RBM6: variants seen among roughly 807,000 people sequenced by gnomAD.
RBM6 encodes RNA-binding protein 6.
A neutral mutation model predicts 140.4 loss-of-function variants in RBM6; 23 were observed. That is an observed-to-expected ratio of 0.16 (90% CI 0.12 to 0.23). The LOEUF (loss-of-function observed/expected upper bound fraction) is 0.23, where lower values mean the gene tolerates loss of function less well. Among genes scored for constraint, RBM6 ranks in the 10% least tolerant of loss-of-function variants. The pLI, the probability that RBM6 is intolerant of heterozygous loss-of-function variation, is 1.00. For synonymous variants in RBM6, 439 were observed against 475.6 expected (o/e 0.92, Z 1.00); for missense variants, 1,139 against 1,386.7 (o/e 0.82, Z 2.84).
chr3:50,064,935 G>A, intron 15 of RBM6, 96 bp from the exon 16 acceptor site: 3 of 971,118 alleles, frequency 3.1e-6, no homozygotes, highest in Non-Finnish European at 4.8e-6. Context: ...ACCTCCCAGA[G>A]TGCTGGGATT....
chr3:50,066,101 T>A, intron 16 of RBM6, 141 bp from the exon 17 acceptor site: 1 of 921,724 alleles, frequency 1.1e-6, no homozygotes. Context: ...GTTGCTTTCA[T>A]CTGGGAAATG....
At chr3:50,015,137 C>T (rs926155096) in intron 6 of RBM6, among the ~76,000 whole-genome samples, 4 of 149,652 alleles carry the variant, frequency 2.7e-5, no homozygotes, top group South Asian at 2.1e-4. Flanking sequence ...GACAGAGTCA[C>T]GCTCTGTCAC....
intron 1 of RBM6, among the ~76,000 whole-genome samples, chr3:49,941,640 CAAAAAAAAAAAAAA>C (rs1171636981): frequency 1.4e-4 from 8 of 58,724 alleles, no homozygotes; most frequent in East Asian, 1.0e-3. Context: ...AACTCTGTCT[CAAAAAAAAAAAAAA>C]AAAAAAAAAA....
chr3:49,968,257 A>T lies in RBM6; in HGVS notation c.832A>T (p.Met278Leu). Residue 278 changes from methionine to leucine, a missense_variant, in exon 3 of 21, where the codon ATG becomes TTG. This residue lies in a region of RBM6 where 566 missense variants were observed against 612.7 expected (regional missense o/e 0.92). Transcript: ENST00000266022. ...TAGGGGCAGAGAGATGGGATCTTGT[A>T]TGGAATTTAAAGATAGGGAGATGCC... is the stretch of plus-strand genomic sequence containing the variant. ...DFRGREMGSC[M>L]EFKDREMPPV... 1 of 1,614,178 alleles carries T rather than the reference A, an allele frequency of 6.2e-7. No homozygotes were observed.
Position 49,967,257 on chromosome 3 carries a change from G to T in RBM6, c.45-213G>T. 1 of 1,327,118 alleles carries T rather than the reference G, an allele frequency of 7.5e-7. No homozygotes were observed. Among genetic ancestry groups the T allele is most frequent in the Non-Finnish European group, 9.6e-7 (1 of 1,040,530 alleles). The allele number at this position is 1,327,118 out of a possible 1,614,324, so 82.2% of individuals were successfully genotyped here. A position where few individuals can be genotyped will look rare whatever the true frequency, so the allele number is the denominator to read the frequency against. On this transcript the variant is annotated intron_variant, in intron 2 of 20. Coordinates refer to ENST00000266022, the MANE Select transcript of RBM6 (RefSeq NM_005777.3). This position sits in a 1 kb window ranked among gnomAD's most constrained non-coding sequence, Gnocchi z 4.0. Reference sequence around the variant, plus strand: ...TGAAAACCTTGTGTTGACTTTCCTCGTGTTCTGAAATGGGAGCATAAAAGT... The same window carrying T: ...TGAAAACCTTGTGTTGACTTTCCTCTTGTTCTGAAATGGGAGCATAAAAGT...
At chr3:49,990,317 A>G (rs866423931) in intron 5 of RBM6, among the ~76,000 whole-genome samples, 40 of 152,326 alleles carry the variant, frequency 2.6e-4, no homozygotes, top group Admixed American at 9.8e-4. Context: ...ACTGTATTGA[A>G]CACCATAGGC....
intron 6 of RBM6, among the ~76,000 whole-genome samples, chr3:50,032,802 A>G (rs1023404627): frequency 1.1e-4 from 17 of 151,998 alleles, no homozygotes; most frequent in South Asian, 8.3e-4. Context: ...CCTGGCCAAC[A>G]TGGGGAAACC....
intron 20 of RBM6, among the ~76,000 whole-genome samples, chr3:50,076,135 AT>A (rs1446359571): frequency 6.6e-6 from 1 of 151,774 alleles, no homozygotes; most frequent in African/African-American, 2.4e-5. Flanking sequence ...TACCCAGCTA[AT>A]TTTTGTGTTT....
chr3:50,034,014 C>G (rs2088350265), intron 6 of RBM6, among the ~76,000 whole-genome samples: 1 of 151,982 alleles, frequency 6.6e-6, no homozygotes. Flanking sequence ...ATCAAATGCC[C>G]CCTGTCTAGA....
chr3:50,015,372 C>T (rs945575655), intron 6 of RBM6, among the ~76,000 whole-genome samples: 6 of 150,808 alleles, frequency 4.0e-5, no homozygotes, highest in African/African-American at 1.5e-4. Flanking sequence ...TCCCAAAGTG[C>T]TGGGATTACA....
At chr3:50,073,251 G>C (rs2090360777) in intron 19 of RBM6, among the ~76,000 whole-genome samples, 1 of 152,082 alleles carries the variant, frequency 6.6e-6, no homozygotes, top group Non-Finnish European at 1.5e-5. Flanking sequence ...CCACAGACTG[G>C]GTAATTTATA....
At chr3:50,052,595 G>A (rs2089515156) in intron 7 of RBM6, among the ~76,000 whole-genome samples, 1 of 152,162 alleles carries the variant, frequency 6.6e-6, no homozygotes, top group South Asian at 2.1e-4. Context: ...TGATCTATAT[G>A]TTTACAAATA....
Position 50,057,907 on chromosome 3 carries a change from T to C in RBM6, c.1873T>C (p.Tyr625His). The C allele has an allele frequency of 6.2e-7, 1 of 1,613,982 alleles. No homozygotes were observed. The highest frequency in any genetic ancestry group is 8.5e-7 in the Non-Finnish European group (1 of 1,179,984). Residue 625 changes from tyrosine to histidine, a missense_variant, in exon 9 of 21, where the codon TAT becomes CAT. Physicochemically the swap from Tyr to His is moderately conservative, Grantham distance 83. This residue lies in a region of RBM6 where 109 missense variants were observed against 101.9 expected (regional missense o/e 1.07). Coordinates refer to ENST00000266022, the MANE Select transcript of RBM6 (RefSeq NM_005777.3). ...ACATCAAAAGAGAGAAGCAGAAAGG[T>C]ATCTGCCTCCTTCTCGAAGGGAAGG... ...LGHQKREAER[Y>H]LPPSRREGPT...
At chr3:49,944,505 C>T (rs144475200) in intron 1 of RBM6, among the ~76,000 whole-genome samples, 364 of 139,330 alleles carry the variant, frequency 2.6e-3, no homozygotes, top group African/African-American at 9.8e-3. Flanking sequence ...GAGACAGTAT[C>T]GCTCTTGTCA....
chr3:49,968,132 G>C lies in RBM6; in HGVS notation c.707G>C (p.Arg236Thr). The C allele has an allele frequency of 6.2e-7, 1 of 1,614,150 alleles. No individual in the cohort carries two copies. The change falls in exon 3 of 21, where the codon AGA becomes ACA. Residue 236 changes from arginine to threonine, a missense_variant. Transcript: ENST00000266022. ...RDKDGTQVDF[R>T]GRGSGTTDLD... Reference sequence around the variant, plus strand: ...AAAGACGGAACACAAGTAGACTTTAGAGGCCGAGGTTCAGGTACTACTGAT... The same window carrying C: ...AAAGACGGAACACAAGTAGACTTTACAGGCCGAGGTTCAGGTACTACTGAT...
At chr3:50,066,794 C>G (rs2090137009) in intron 17 of RBM6, among the ~76,000 whole-genome samples, 1 of 151,692 alleles carries the variant, frequency 6.6e-6, no homozygotes, top group South Asian at 2.1e-4. Context: ...TGCCACTGCA[C>G]TCCAGCCTGG....
At chr3:50,032,620 T>C (rs2088243267) in intron 6 of RBM6, among the ~76,000 whole-genome samples, 1 of 152,068 alleles carries the variant, frequency 6.6e-6, no homozygotes, top group Non-Finnish European at 1.5e-5. Context: ...TCTCCAAACA[T>C]TAATTATTCT....
chr3:49,986,369 C>T (rs1003582915), intron 5 of RBM6, among the ~76,000 whole-genome samples: 13 of 151,526 alleles, frequency 8.6e-5, no homozygotes, highest in South Asian at 6.3e-4. Flanking sequence ...CCGAGGCAAG[C>T]GGATCATGAG....
intron 6 of RBM6, among the ~76,000 whole-genome samples, chr3:50,043,545 C>T (rs1422173013): frequency 6.7e-6 from 1 of 149,156 alleles, no homozygotes; most frequent in Non-Finnish European, 1.5e-5. Flanking sequence ...CATATACATA[C>T]ATACATACAT....
Sources: allele counts gnomAD v4.1 joint callset (sites outside exome capture counted in the v4.1 genomes callset), GRCh38; gene constraint gnomAD v4.1.1; regional missense constraint gnomAD v4.1.1; non-coding constraint Gnocchi (gnomAD v3.1); transcripts MANE v1.5; gene names NCBI Gene and HGNC (gene_info 2026-07-23, HGNC 2026-07-21).